Variants in RELN observed in about 807,000 individuals in gnomAD.
RELN encodes the protein reelin.
In RELN, 108 loss-of-function variants were observed where a neutral mutation model predicts 427.6. That is an observed-to-expected ratio of 0.25 (90% CI 0.22 to 0.30). The LOEUF (loss-of-function observed/expected upper bound fraction) is 0.30, where lower values mean the gene tolerates loss of function less well. Among genes scored for constraint, RELN ranks in the 10% least tolerant of loss-of-function variants. The probability of loss-of-function intolerance (pLI) is 1.00; values close to 1 mark genes in which losing one functional copy is unlikely to be tolerated. For synonymous variants in RELN, 1,524 were observed against 1,513.4 expected, an observed-to-expected ratio of 1.01 and a Z score of -0.16; for missense variants, 3,715 against 4,302.8, an observed-to-expected ratio of 0.86 and a Z score of 3.82.
intron 6 of RELN, among the ~76,000 whole-genome samples, chr7:103,747,833 C>G (rs1322131253): frequency 6.6e-6 from 1 of 151,780 alleles, no homozygotes; most frequent in Non-Finnish European, 1.5e-5. Flanking sequence ...AAAACCACAG[C>G]TTAAGTAAAA....
intron 2 of RELN, among the ~76,000 whole-genome samples, chr7:103,859,374 A>G (rs543213823): frequency 6.6e-6 from 1 of 151,408 alleles, no homozygotes; most frequent in South Asian, 2.1e-4. Context: ...GCTCAGTGAA[A>G]CCTCCACCTC....
intron 3 of RELN, among the ~76,000 whole-genome samples, chr7:103,816,639 A>G (rs1280276304): frequency 6.6e-6 from 1 of 151,938 alleles, no homozygotes; most frequent in Non-Finnish European, 1.5e-5. Flanking sequence ...CATTGCAACC[A>G]TAACTCCAGG....
At position 103,553,725 on chromosome 7, in the gene RELN, G is replaced by A; in HGVS notation, c.5904C>T (p.Asp1968=). Residue 1968 remains aspartate, a synonymous_variant, in exon 39 of 65, where the codon GAC becomes GAT. Transcript: ENST00000428762. ...TACCACCAGGATAGAAAAACCAATT[G>A]TCTTCTCTGGGCCCAAAATCAAATG... is the stretch of plus-strand genomic sequence containing the variant. The part of the protein sequence containing the change: ...LDTFDFGPRE[D]NWFFYPGGNI... 6.2e-7 allele frequency: 1 copy of A among 1,614,048 alleles called. No homozygotes were observed. Among genetic ancestry groups the A allele is most frequent in the Non-Finnish European group, 8.5e-7 (1 of 1,179,966 alleles).
chr7:103,898,078 T>C (rs1795001246), intron 2 of RELN, among the ~76,000 whole-genome samples: 1 of 152,112 alleles, frequency 6.6e-6, no homozygotes, highest in African/African-American at 2.4e-5. Flanking sequence ...AATAACAGTT[T>C]CTTAAGTAGG....
chr7:103,727,265 G>A (rs1790235093), intron 7 of RELN, among the ~76,000 whole-genome samples: 1 of 152,084 alleles, frequency 6.6e-6, no homozygotes, highest in Admixed American at 6.6e-5. Flanking sequence ...TGAAAGGGAA[G>A]ATGTGGGAAA....
intron 11 of RELN, among the ~76,000 whole-genome samples, chr7:103,678,890 ATTGT>A (rs1279827781): frequency 3.3e-5 from 5 of 152,192 alleles, no homozygotes; most frequent in East Asian, 1.9e-4. Context: ...ACCATGATAG[ATTGT>A]TTGTGTGGGT....
chr7:103,592,581 A>C (rs916719282), intron 27 of RELN, among the ~76,000 whole-genome samples: 1 of 152,180 alleles, frequency 6.6e-6, no homozygotes, highest in Non-Finnish European at 1.5e-5. Context: ...GTAGAGAATT[A>C]AGATTTTTCC....
intron 1 of RELN, among the ~76,000 whole-genome samples, chr7:103,927,646 T>C (rs1183802938): frequency 1.3e-5 from 2 of 152,300 alleles, no homozygotes; most frequent in Admixed American, 6.5e-5. Context: ...ATGGGTAAAA[T>C]GGAAAATGCT....
chr7:103,570,363 T>C (rs1258484511), intron 31 of RELN, among the ~76,000 whole-genome samples: 1 of 152,218 alleles, frequency 6.6e-6, no homozygotes, highest in Non-Finnish European at 1.5e-5. Flanking sequence ...TGCACAAAAA[T>C]GTCCTTTAAA....
At chr7:103,800,772 C>T (rs1360017657) in intron 3 of RELN, among the ~76,000 whole-genome samples, 6 of 152,248 alleles carry the variant, frequency 3.9e-5, no homozygotes, top group African/African-American at 1.4e-4. Flanking sequence ...GCAAAAGAAA[C>T]TACCATCAGA....
chr7:103,907,024 A>G (rs916378298), intron 2 of RELN, among the ~76,000 whole-genome samples: 1 of 152,180 alleles, frequency 6.6e-6, no homozygotes, highest in Admixed American at 6.6e-5. Context: ...TCCACTAAAC[A>G]ACAAAAGACA....
intron 33 of RELN, 117 bp from the exon 34 acceptor site, chr7:103,565,668 C>T: frequency 1.1e-6 from 1 of 915,402 alleles, no homozygotes; most frequent in East Asian, 2.6e-5. Flanking sequence ...TCTTTAGTGC[C>T]CCCTATGTGC....
chr7:103,510,838 C>G lies in RELN; in HGVS notation c.8274+13G>C. ...GTATGGTTGTTTATATAATCAAGATCATAACATTTCACCTTGAATTGCATA... is the reference window on the plus strand; with the variant it reads ...GTATGGTTGTTTATATAATCAAGATGATAACATTTCACCTTGAATTGCATA... On this transcript the variant is annotated intron_variant, in intron 51 of 64. Transcript: ENST00000428762. 1 of 1,602,044 alleles carries G rather than the reference C, an allele frequency of 6.2e-7. No individual in the cohort carries two copies. The highest frequency in any genetic ancestry group is 8.6e-7 in the Non-Finnish European group (1 of 1,169,302).
chr7:103,936,251 C>A (rs1285009343), intron 1 of RELN, among the ~76,000 whole-genome samples: 1 of 152,062 alleles, frequency 6.6e-6, no homozygotes, highest in Admixed American at 6.6e-5. Flanking sequence ...CGCCACCATG[C>A]CCAGCTAATT....
intron 60 of RELN, 22 bp downstream of exon 60, chr7:103,489,720 G>C: frequency 6.2e-7 from 1 of 1,613,480 alleles, no homozygotes; most frequent in East Asian, 2.2e-5. Flanking sequence ...CTCTATCAAA[G>C]TTGGCAGCCT....
Position 103,706,650 on chromosome 7 carries a change from T to C in RELN, c.806-5644A>G, listed in dbSNP as rs1834208141. On this transcript the variant is annotated intron_variant, in intron 8 of 64. Transcript: ENST00000428762. Reference sequence around the variant, plus strand: ...TCTTCTTGTTTCTTTATCTTTTTTTTTTCAATAGTGCTACATTTTCAAAGG... The same window carrying C: ...TCTTCTTGTTTCTTTATCTTTTTTTCTTCAATAGTGCTACATTTTCAAAGG... Among the ~76,000 whole-genome samples the C allele has an allele frequency of 2.0e-5, 3 of 152,076 alleles. No homozygotes were observed. The South Asian group carries it at 6.2e-4, about 32-fold the overall frequency.
At chr7:103,856,569 CAAAAA>C (rs34695080) in intron 2 of RELN, among the ~76,000 whole-genome samples, 1 of 80,386 alleles carries the variant, frequency 1.2e-5, no homozygotes, top group Non-Finnish European at 2.4e-5. Context: ...AACTCCACCT[CAAAAA>C]AAAAAAAAAA....
At chr7:103,482,530 A>G (rs2116974592) in intron 63 of RELN, among the ~76,000 whole-genome samples, 1 of 152,366 alleles carries the variant, frequency 6.6e-6, no homozygotes, top group Middle Eastern at 3.4e-3. Flanking sequence ...TTCCTCTTCA[A>G]GGATGTCATT....
chr7:103,842,100 C>G (rs1026851717), intron 2 of RELN, among the ~76,000 whole-genome samples: 1 of 151,958 alleles, frequency 6.6e-6, no homozygotes, highest in Non-Finnish European at 1.5e-5. Context: ...AAGCTTGGTA[C>G]GATATTTTTT....
Sources: gnomAD v4.1 joint callset for allele counts (sites outside exome capture counted in the v4.1 genomes callset) on GRCh38, gnomAD v4.1.1 for gene constraint, MANE v1.5 for transcripts, NCBI Gene and HGNC (gene_info 2026-07-23, HGNC 2026-07-21) for gene names.